NXNL2: variants seen among roughly 807,000 people sequenced by gnomAD.
NXNL2 encodes the protein nucleoredoxin-like protein 2.
A neutral mutation model predicts 11.1 loss-of-function variants in NXNL2; 7 were observed. That is an observed-to-expected ratio of 0.63 (90% CI 0.36 to 1.18). The LOEUF is 1.18. NXNL2 is among the 50% of genes most tolerant of loss of function. The pLI, the probability that NXNL2 is intolerant of heterozygous loss-of-function variation, is 0.02. For missense variants in NXNL2, 233 were observed against 217.7 expected, an observed-to-expected ratio of 1.07 and a Z score of -0.44; for synonymous variants, 109 against 101.8, an observed-to-expected ratio of 1.07 and a Z score of -0.42.
intron 1 of NXNL2, chr9:88,538,239 C>T (rs548555718): frequency 6.6e-6 from 1 of 152,292 alleles, no homozygotes; most frequent in East Asian, 1.9e-4. Context: ...CTGAGTGTCT[C>T]TTGGAATATC....
chr9:88,542,762 A>G (rs745456615), intron 1 of NXNL2, among the ~76,000 whole-genome samples: 6 of 152,068 alleles, frequency 3.9e-5, no homozygotes, highest in African/African-American at 7.2e-5. Flanking sequence ...CTCTCTGTTG[A>G]GCGTAGGGGA....
At chr9:88,548,339 C>CAAAA (rs60796870), downstream of NXNL2, among the ~76,000 whole-genome samples, 36 of 31,070 alleles carry the variant, frequency 1.2e-3, 7 homozygotes, top group African/African-American at 3.8e-3. Flanking sequence ...GACTTTTTCT[C>CAAAA]AAAAAAAAAA....
chr9:88,559,539 G>A (rs984602612), intron 1 of NXNL2, among the ~76,000 whole-genome samples: 14 of 152,132 alleles, frequency 9.2e-5, no homozygotes, highest in Non-Finnish European at 1.6e-4. Context: ...TCACTTGCTC[G>A]ACCTCATCCC....
At chr9:88,565,927 A>G (rs1268221810) in intron 1 of NXNL2, among the ~76,000 whole-genome samples, 2 of 152,106 alleles carry the variant, frequency 1.3e-5, no homozygotes, top group Non-Finnish European at 2.9e-5. Context: ...TTTCCCTGAT[A>G]ATTAGTGATG....
chr9:88,575,023 C>T, intron 2 of NXNL2: 1 of 418,022 alleles, frequency 2.4e-6, no homozygotes, highest in Non-Finnish European at 3.2e-6. Context: ...CATTTTTAAG[C>T]TTAAGAGGAG....
At position 88,535,819 on chromosome 9, in the gene NXNL2, G is replaced by T. The variant is rs1222097044; in HGVS notation, c.302+83G>T. ...CAGGCCTCCCCCTCTGCACTGGGGA[G>T]CTCTTTATGACGCCCCCCCCCAACA... On this transcript the variant is annotated intron_variant, in intron 1 of 1. Transcript: ENST00000375854. 3 of 1,151,778 alleles carry T rather than the reference G, an allele frequency of 2.6e-6. No homozygotes were observed. In the East Asian group the frequency reaches 7.9e-5, roughly 30 times the overall value. 71.3% of individuals were successfully genotyped at this position (1,151,778 alleles called of 1,614,324 possible).
intron 1 of NXNL2, among the ~76,000 whole-genome samples, chr9:88,543,894 G>A (rs996553365): frequency 6.6e-6 from 1 of 152,210 alleles, no homozygotes; most frequent in East Asian, 1.9e-4. Flanking sequence ...CCAAGGCTGG[G>A]CGTGGTGGCT....
intron 1 of NXNL2, chr9:88,570,981 G>A (rs1023736328): frequency 4.2e-5 from 14 of 333,522 alleles, no homozygotes; most frequent in Admixed American, 3.6e-4. Flanking sequence ...GACCTCAGGT[G>A]ATCCACCCGA....
intron 1 of NXNL2, among the ~76,000 whole-genome samples, chr9:88,558,235 C>T (rs1186878432): frequency 1.3e-5 from 2 of 152,080 alleles, no homozygotes; most frequent in East Asian, 3.9e-4. Flanking sequence ...CCAATGATGT[C>T]ATCAGTCATG....
intron 1 of NXNL2, among the ~76,000 whole-genome samples, chr9:88,537,452 G>A (rs1488437639): frequency 6.6e-6 from 1 of 152,188 alleles, no homozygotes; most frequent in Non-Finnish European, 1.5e-5. Context: ...GGTCAGCTGT[G>A]TGCTCCTATC....
At chr9:88,574,015 C>A (rs915049380) in intron 2 of NXNL2, among the ~76,000 whole-genome samples, 1 of 152,168 alleles carries the variant, frequency 6.6e-6, no homozygotes, top group Non-Finnish European at 1.5e-5. Flanking sequence ...CATCTGTATT[C>A]CTGCTGGGAT....
At chr9:88,546,174 T>TGTGTGTGTGA (rs1163341944), downstream of NXNL2, among the ~76,000 whole-genome samples, 1 of 151,812 alleles carries the variant, frequency 6.6e-6, no homozygotes, top group African/African-American at 2.4e-5. Context: ...TGTGTGTGTG[T>TGTGTGTGTGA]GTGAGAACCA....
At chr9:88,548,758 C>A (rs772014528), downstream of NXNL2, among the ~76,000 whole-genome samples, 1 of 151,856 alleles carries the variant, frequency 6.6e-6, no homozygotes, top group Non-Finnish European at 1.5e-5. Flanking sequence ...ATGTACTTGC[C>A]ATGACCTGAA....
chr9:88,542,262 A>G (rs1327608614), intron 1 of NXNL2, among the ~76,000 whole-genome samples: 1 of 151,748 alleles, frequency 6.6e-6, no homozygotes, highest in Non-Finnish European at 1.5e-5. Context: ...AACAAAAAAC[A>G]AACGAACGAA....
At chr9:88,570,227 T>C (rs1209274922) in intron 1 of NXNL2, among the ~76,000 whole-genome samples, 1 of 152,186 alleles carries the variant, frequency 6.6e-6, no homozygotes, top group Admixed American at 6.5e-5. Context: ...CAAGTGATTC[T>C]CTTGCCTCAG....
At chr9:88,571,533 G>T (rs1160483113) in intron 2 of NXNL2, among the ~76,000 whole-genome samples, 1 of 152,176 alleles carries the variant, frequency 6.6e-6, no homozygotes, top group Non-Finnish European at 1.5e-5. Context: ...TTATTTTCCT[G>T]TTGAAATTCT....
chr9:88,569,145 G>A (rs1389128689), intron 1 of NXNL2, among the ~76,000 whole-genome samples: 1 of 152,066 alleles, frequency 6.6e-6, no homozygotes, highest in African/African-American at 2.4e-5. Context: ...TGCCCAGGCT[G>A]GTCTCGTACT....
rs531278710 is a variant in NXNL2 at position 88,562,275 on chromosome 9, G to C, written c.303-8812G>C. Among the ~76,000 whole-genome samples, 4 of 152,258 alleles carry C rather than the reference G, an allele frequency of 2.6e-5. No individual in the cohort carries two copies. The East Asian group carries it at 7.7e-4, about 29-fold the overall frequency. On this transcript the variant is annotated intron_variant, in intron 1 of 2. Transcript: ENST00000375855. ...AGTCAGATAGTGCTCACTCTTGGTGGAGGGGTGGTTAGAAATGCAAAGGGC... is the reference window on the plus strand; with the variant it reads ...AGTCAGATAGTGCTCACTCTTGGTGCAGGGGTGGTTAGAAATGCAAAGGGC...
Position 88,544,428 on chromosome 9 carries a change from G to A in NXNL2, c.352G>A (p.Val118Met), listed in dbSNP as rs781013337. 1.7e-5 allele frequency: 26 copies of A among 1,551,802 alleles called. 1 individual carries two copies. The South Asian group carries it at 3.0e-4, about 18-fold the overall frequency. The stretch of plus-strand genomic sequence containing the variant: ...CACAGCCATCCCCAAGCTTGTGATT[G>A]TGAAACAAAATGGGGAGGTCATCAC... ...NVTAIPKLVI[V>M]KQNGEVITNK... The change falls in exon 2 of 2, where the codon GTG becomes ATG. Residue 118 changes from valine to methionine, a missense_variant. Physicochemically the swap from Val to Met is conservative, Grantham distance 21 (BLOSUM62 1). Transcript: ENST00000375854.
Sources: allele counts gnomAD v4.1 joint callset (sites outside exome capture counted in the v4.1 genomes callset), GRCh38; gene constraint gnomAD v4.1.1; transcripts MANE v1.5; gene names NCBI Gene and HGNC (gene_info 2026-07-23, HGNC 2026-07-21).